DOP1A: variants seen among roughly 807,000 people sequenced by gnomAD.
DOP1A encodes protein DOP1A.
Under a neutral mutation model 267.6 loss-of-function variants are expected in DOP1A, and 90 were observed. The ratio of observed to expected loss-of-function variants is 0.34; its 90% CI spans 0.28 to 0.40. The LOEUF is 0.40. Among genes scored for constraint, DOP1A ranks in the 10% least tolerant of loss-of-function variants. DOP1A has a pLI of 1.00. For synonymous variants in DOP1A, 932 were observed against 999.1 expected, an observed-to-expected ratio of 0.93 and a Z score of 1.27; for missense variants, 2,437 against 2,900.4, an observed-to-expected ratio of 0.84 and a Z score of 3.67.
At chr6:83,157,376 T>G in intron 35 of DOP1A, 58 bp downstream of exon 35, 1 of 1,543,612 alleles carries the variant, frequency 6.5e-7, no homozygotes, top group South Asian at 1.1e-5. Context: ...AGTGATTAGT[T>G]TCCATGTGCT....
chr6:83,166,891 C>G, intron 38 of DOP1A: 1 of 991,014 alleles, frequency 1.0e-6, no homozygotes, highest in Non-Finnish European at 1.2e-6. Context: ...ATTCTGCTTC[C>G]TAAGTCTTCA....
At chr6:83,098,154 G>T (rs1182645518) in intron 3 of DOP1A, among the ~76,000 whole-genome samples, 1 of 151,938 alleles carries the variant, frequency 6.6e-6, no homozygotes, top group Non-Finnish European at 1.5e-5. Context: ...CAAAGTGCTG[G>T]GATTACAGGC....
chr6:83,167,140 T>A, intron 38 of DOP1A: 1 of 929,148 alleles, frequency 1.1e-6, no homozygotes, highest in Non-Finnish European at 1.3e-6. Context: ...TTGACTTCTC[T>A]ACTAAAAGGT....
intron 23 of DOP1A, among the ~76,000 whole-genome samples, chr6:83,141,402 G>T (rs1583079497): frequency 1.3e-5 from 2 of 152,108 alleles, no homozygotes; most frequent in East Asian, 1.9e-4. Flanking sequence ...CTGTCAAATT[G>T]ATATCCTTCA....
At chr6:83,070,897 TGTTTA>T (rs1168721912) in intron 1 of DOP1A, among the ~76,000 whole-genome samples, 5 of 152,376 alleles carry the variant, frequency 3.3e-5, no homozygotes, top group African/African-American at 9.6e-5. Context: ...GCATACTTCC[TGTTTA>T]GTTATTAATA....
In DOP1A at chr6:83,147,236, A is replaced by C; in HGVS notation, c.5677A>C (p.Lys1893Gln). 1 of 1,454,460 alleles carries C rather than the reference A, an allele frequency of 6.9e-7. No individual in the cohort carries two copies. Among genetic ancestry groups the C allele is most frequent in the Non-Finnish European group, 9.4e-7 (1 of 1,063,368 alleles). 90.1% of individuals were successfully genotyped at this position (1,454,460 alleles called of 1,614,324 possible). Residue 1893 changes from lysine (K) to glutamine (Q), a missense_variant and splice_region_variant, in exon 26 of 39, where the codon AAA becomes CAA. By Grantham distance (53) the Lys-to-Gln change is moderately conservative (BLOSUM62 1). This residue lies in a region of DOP1A where 307 missense variants were observed against 308.6 expected (regional missense o/e 0.99). Transcript: ENST00000349129. ...KQPPAIAKDK[K>Q]HLSLEVCMLQ... Reference sequence around the variant, plus strand: ...CAAAATTGATTTCTTTTATTTATAGAAACATCTTTCTTTGGAAGTCTGCAT... The same window carrying C: ...CAAAATTGATTTCTTTTATTTATAGCAACATCTTTCTTTGGAAGTCTGCAT...
intron 24 of DOP1A, 59 bp from the exon 25 acceptor site, chr6:83,145,439 AAGAGATCATAAAATACTCTCTTCTGT>A: frequency 9.2e-6 from 11 of 1,200,482 alleles, no homozygotes; most frequent in Non-Finnish European, 1.2e-5. Context: ...ATAAAAAAAG[AAGAGATCATAAAATACTCTCTTCTGT>A]AACTTCCCCT....
chr6:83,124,869 C>A, intron 13 of DOP1A, 50 bp downstream of exon 13: 1 of 1,431,450 alleles, frequency 7.0e-7, no homozygotes, highest in Non-Finnish European at 9.7e-7. Context: ...TAACGTAGTT[C>A]AAATATTTCG....
intron 1 of DOP1A, among the ~76,000 whole-genome samples, chr6:83,079,347 TTAA>T (rs1241685487): frequency 6.6e-6 from 1 of 152,206 alleles, no homozygotes; most frequent in Non-Finnish European, 1.5e-5. Flanking sequence ...TGGAACAGTC[TTAA>T]TAAAATGGGC....
intron 1 of DOP1A, among the ~76,000 whole-genome samples, chr6:83,087,712 T>A (rs1039360301): frequency 6.6e-6 from 1 of 152,226 alleles, no homozygotes; most frequent in African/African-American, 2.4e-5. Context: ...TGGGATTAAA[T>A]TAATTAAAAT....
intron 26 of DOP1A, among the ~76,000 whole-genome samples, chr6:83,147,695 T>G (rs1379569496): frequency 2.0e-5 from 3 of 152,222 alleles, no homozygotes; most frequent in Admixed American, 2.0e-4. Flanking sequence ...CTCAAGAACC[T>G]GACTCTTCAT....
chr6:83,121,876 C>T, intron 10 of DOP1A, 54 bp from the exon 11 acceptor site: 8 of 1,516,682 alleles, frequency 5.3e-6, no homozygotes, highest in South Asian at 3.9e-5. Context: ...TTCAGATAAG[C>T]ATGATTTGCT....
rs748001787 is a variant in DOP1A at position 83,132,261 on chromosome 6, A to T, written c.2702A>T (p.His901Leu). The T allele has an allele frequency of 9.3e-6, 15 of 1,613,876 alleles. No homozygotes were observed. The highest frequency in any genetic ancestry group is 1.3e-5 in the Non-Finnish European group (15 of 1,179,848). Residue 901 changes from histidine (H) to leucine (L), a missense_variant, in exon 18 of 39, where the codon CAT becomes CTT. Physicochemically the swap from His to Leu is moderately conservative, Grantham distance 99. Coordinates refer to ENST00000349129, the MANE Select transcript of DOP1A (RefSeq NM_015018.4). ...AGTGTGGAACTATTTTATCAATTAC[A>T]TAACTTAGTTCCTTCTTCTAGCATC... ...QKSVELFYQL[H>L]NLVPSSSICE... is the part of the protein sequence containing the mutation.
At chr6:83,080,190 A>G (rs956500860) in intron 1 of DOP1A, among the ~76,000 whole-genome samples, 2 of 152,198 alleles carry the variant, frequency 1.3e-5, no homozygotes, top group East Asian at 3.9e-4. Context: ...CAAACATTTT[A>G]ATGTTAGGAA....
At chr6:83,078,087 A>G (rs1259040246) in intron 1 of DOP1A, among the ~76,000 whole-genome samples, 2 of 152,262 alleles carry the variant, frequency 1.3e-5, no homozygotes, top group African/African-American at 2.4e-5. Flanking sequence ...ATTAAATTCT[A>G]TCCACAAAAT....
At position 83,168,384 on chromosome 6, in the gene DOP1A, C is replaced by CTA. The variant is rs1468457446; in HGVS notation, c.*226_*227dup. ...ATACTGATTATGGTGCCTAAGAGAGCTATATATATACACATGTAAAGTCCA... is the reference window on the plus strand; with the variant it reads ...ATACTGATTATGGTGCCTAAGAGAGCTATATATATATACACATGTAAAGTCCA... On this transcript the variant is annotated 3_prime_UTR_variant, in exon 39 of 39. Transcript: ENST00000349129. The CTA allele has an allele frequency of 6.7e-6, 9 of 1,352,522 alleles. No homozygotes were observed. Among genetic ancestry groups the CTA allele is most frequent in the South Asian group, 3.4e-5 (2 of 58,602 alleles). 83.8% of individuals were successfully genotyped at this position (1,352,522 alleles called of 1,614,324 possible).
intron 38 of DOP1A, chr6:83,164,658 A>G: frequency 6.4e-7 from 1 of 1,571,840 alleles, no homozygotes; most frequent in Non-Finnish European, 8.6e-7. Context: ...TTCCTTCCAC[A>G]GGACAAGGAG....
chr6:83,156,383 C>T lies in DOP1A; in HGVS notation c.6604+280C>T, dbSNP rs182041258. ...GATGAGGTATAAGATGATTTTGCTG[C>T]GGGCAGTCATGTTAGCATGTTCTCC... On this transcript the variant is annotated intron_variant, in intron 34 of 38. Coordinates refer to ENST00000349129, the MANE Select transcript of DOP1A (RefSeq NM_015018.4). 1.9e-4 allele frequency among the ~76,000 whole-genome samples: 29 copies of T among 152,188 alleles called. 1 individual carries two copies. Among genetic ancestry groups the T allele is most frequent in the Non-Finnish European group, 3.8e-4 (26 of 68,010 alleles).
At chr6:83,091,426 CAAA>C (rs1770379878) in intron 1 of DOP1A, among the ~76,000 whole-genome samples, 2 of 124,852 alleles carry the variant, frequency 1.6e-5, no homozygotes. Context: ...AAACATATAT[CAAA>C]CAAACAAGCT....
Sources: allele counts gnomAD v4.1 joint callset (sites outside exome capture counted in the v4.1 genomes callset), GRCh38; gene constraint gnomAD v4.1.1; regional missense constraint gnomAD v4.1.1; transcripts MANE v1.5; gene names NCBI Gene and HGNC (gene_info 2026-07-23, HGNC 2026-07-21).